Variants in CD33 observed in about 807,000 individuals in gnomAD.
CD33 encodes CD33 molecule.
Under a neutral mutation model 31.4 loss-of-function variants are expected in CD33, and 25 were observed. The ratio of observed to expected loss-of-function variants is 0.80; its 90% CI spans 0.58 to 1.11. CD33 has a LOEUF of 1.11. Ranked by LOEUF, CD33 falls within the 50% of genes most tolerant of loss-of-function variation. The probability of loss-of-function intolerance (pLI) is 0.00; values close to 1 mark genes in which losing one functional copy is unlikely to be tolerated. For synonymous variants in CD33, 176 were observed against 180.6 expected (o/e 0.97, Z 0.20); for missense variants, 407 against 448.1 (o/e 0.91, Z 0.83).
At chr19:51,220,422 G>A (rs543240804), upstream of CD33, among the ~76,000 whole-genome samples, 4 of 152,300 alleles carry the variant, frequency 2.6e-5, no homozygotes, top group East Asian at 1.9e-4. Flanking sequence ...TCCATACCTC[G>A]CTTCTTCCAC....
chr19:51,227,204 T>C (rs921861246), intron 4 of CD33, among the ~76,000 whole-genome samples: 2 of 152,008 alleles, frequency 1.3e-5, no homozygotes, highest in African/African-American at 4.8e-5. Flanking sequence ...TTCTTCAATA[T>C]ACTGATTTCC....
At chr19:51,234,474 G>A (rs1219043754) in intron 4 of CD33, among the ~76,000 whole-genome samples, 2 of 152,102 alleles carry the variant, frequency 1.3e-5, no homozygotes, top group African/African-American at 4.8e-5. Context: ...CCTGGCCTCT[G>A]TCCAAAGACC....
At chr19:51,239,348 T>C (rs1339949270) in intron 6 of CD33, 170 bp from the exon 7 acceptor site, 1 of 514,550 alleles carries the variant, frequency 1.9e-6, no homozygotes, top group Non-Finnish European at 3.4e-6. Flanking sequence ...ACGTGCTACA[T>C]GTGTTAGATA....
chr19:51,211,294 A>G, the CD33 span: 1 of 1,570,194 alleles, frequency 6.4e-7, no homozygotes. Context: ...CGTGCCCTGC[A>G]CTTTCTCCCA....
chr19:51,230,962 C>T (rs559825261), intron 4 of CD33, among the ~76,000 whole-genome samples: 39 of 152,266 alleles, frequency 2.6e-4, no homozygotes, highest in South Asian at 8.3e-4. Flanking sequence ...GGCATAAAAC[C>T]CCTCGTGGCT....
chr19:51,226,252 C>T, intron 3 of CD33, 57 bp from the exon 4 acceptor site: 3 of 1,548,340 alleles, frequency 1.9e-6, no homozygotes, highest in South Asian at 2.2e-5. Context: ...AGGGGAAATG[C>T]CTACCCTTAT....
At chr19:51,215,847 A>G in the CD33 span, among the ~76,000 whole-genome samples, 2 of 151,276 alleles carry the variant, frequency 1.3e-5, no homozygotes, top group African/African-American at 2.4e-5. Flanking sequence ...CTGGGCCCTC[A>G]CCTCCTCCCT....
the CD33 span, among the ~76,000 whole-genome samples, chr19:51,217,635 T>C: frequency 6.6e-6 from 1 of 152,184 alleles, no homozygotes; most frequent in East Asian, 1.9e-4. Context: ...GTCAGGCTGG[T>C]CTTGAACTCT....
At chr19:51,235,956 A>G in intron 6 of CD33, 3 of 692,816 alleles carry the variant, frequency 4.3e-6, no homozygotes, top group Non-Finnish European at 7.9e-6. Flanking sequence ...CAGGAGATTG[A>G]GACTATCCTG....
At chr19:51,228,972 C>T (rs1981225692) in intron 4 of CD33, among the ~76,000 whole-genome samples, 1 of 152,164 alleles carries the variant, frequency 6.6e-6, no homozygotes, top group Non-Finnish European at 1.5e-5. Context: ...ACATCCAGTT[C>T]CTAGAGGAAA....
chr19:51,218,581 T>C, the CD33 span, among the ~76,000 whole-genome samples: 1 of 152,236 alleles, frequency 6.6e-6, no homozygotes, highest in Non-Finnish European at 1.5e-5. Flanking sequence ...TTTGAGATCT[T>C]AGTTGTGAAT....
chr19:51,214,174 CTT>C, the CD33 span, among the ~76,000 whole-genome samples: 2,536 of 120,506 alleles, frequency 0.021, 22 homozygotes, highest in Middle Eastern at 0.049. Flanking sequence ...TTTTCTTTTC[CTT>C]TTTTTTTTTT....
upstream of CD33, among the ~76,000 whole-genome samples, chr19:51,223,282 AACTT>A (rs1980776702): frequency 6.6e-6 from 1 of 152,204 alleles, no homozygotes; most frequent in African/African-American, 2.4e-5. Context: ...ATATTTAAAT[AACTT>A]ACAACAGATA....
the CD33 span, among the ~76,000 whole-genome samples, chr19:51,219,991 C>T: frequency 6.6e-6 from 1 of 152,110 alleles, no homozygotes; most frequent in African/African-American, 2.4e-5. Flanking sequence ...ATTTACTTTT[C>T]TCATTGTGTC....
intron 6 of CD33, chr19:51,239,128 C>G (rs1981996029): frequency 6.3e-6 from 1 of 158,150 alleles, no homozygotes; most frequent in Non-Finnish European, 1.4e-5. Flanking sequence ...GATCCAGTGC[C>G]CAGCACATAG....
chr19:51,218,816 C>G, the CD33 span, among the ~76,000 whole-genome samples: 2 of 152,218 alleles, frequency 1.3e-5, no homozygotes, highest in Middle Eastern at 3.4e-3. Flanking sequence ...TCGACTTTGT[C>G]AAAAGTCAGG....
chr19:51,230,277 T>A (rs1981313413), intron 4 of CD33, among the ~76,000 whole-genome samples: 1 of 151,466 alleles, frequency 6.6e-6, no homozygotes, highest in Non-Finnish European at 1.5e-5. Flanking sequence ...TGTTTTGTGT[T>A]CTAACATATG....
In CD33 at chr19:51,226,052, C is replaced by T. The variant is rs538212451; in HGVS notation, c.668C>T (p.Thr223Met). 16 of 1,613,950 alleles carry T rather than the reference C, an allele frequency of 9.9e-6. No homozygotes were observed. The highest frequency in any genetic ancestry group is 1.6e-4 in the Middle Eastern group (1 of 6,082). The change falls in exon 3 of 7, where the codon ACG becomes ATG. Residue 223 changes from threonine to methionine, a missense_variant. By Grantham distance (81) the Thr-to-Met change is moderately conservative (BLOSUM62 -1). Transcript: ENST00000262262. ...QVKFAGAGVT[T>M]ERTIQLNVTY... ...AAGTTCGCTGGAGCTGGTGTGACTA[C>T]GGAGAGAACCATCCAGCTCAACGTC...
chr19:51,225,796 T>A lies in CD33; in HGVS notation c.419-7T>A, dbSNP rs1172754454. 8 of 1,611,352 alleles carry A rather than the reference T, an allele frequency of 5.0e-6. No homozygotes were observed. The Admixed American group carries it at 1.2e-4, about 24-fold the overall frequency. On this transcript the variant is annotated splice_region_variant and splice_polypyrimidine_tract_variant and intron_variant, in intron 2 of 6. Coordinates refer to ENST00000262262, the MANE Select transcript of CD33 (RefSeq NM_001772.4). ...CTGATTCTGCATCCCCTCTTTCTCC[T>A]CACTAGACTTGACCCACAGGCCCAA...
Sources: allele counts gnomAD v4.1 joint callset (sites outside exome capture counted in the v4.1 genomes callset), GRCh38; gene constraint gnomAD v4.1.1; transcripts MANE v1.5; gene names NCBI Gene and HGNC (gene_info 2026-07-23, HGNC 2026-07-21).